BAG2: variants seen among roughly 807,000 people sequenced by gnomAD.
The protein encoded by BAG2 is BAG cochaperone 2.
A neutral mutation model predicts 16.4 loss-of-function variants in BAG2; 8 were observed. The observed-to-expected ratio is 0.49, with a 90% CI of 0.29 to 0.88. The LOEUF (loss-of-function observed/expected upper bound fraction) is 0.88. BAG2 is among the 40% of genes least tolerant of loss of function. BAG2 has a pLI of 0.09. For missense variants in BAG2, 218 were observed against 248.9 expected (o/e 0.88, Z 0.84); for synonymous variants, 82 against 89.2 (o/e 0.92, Z 0.46).
At chr6:57,178,489 G>A (rs1764347801) in intron 1 of BAG2, among the ~76,000 whole-genome samples, 1 of 152,098 alleles carries the variant, frequency 6.6e-6, no homozygotes, top group Non-Finnish European at 1.5e-5. Context: ...GAGGAAGGGG[G>A]AAGCTAAGGA....
chr6:57,182,641 T>C (rs368525375), intron 2 of BAG2, among the ~76,000 whole-genome samples: 1 of 150,428 alleles, frequency 6.6e-6, no homozygotes, highest in African/African-American at 2.4e-5. Flanking sequence ...AATGTAAAAA[T>C]GTGCTGTCAT....
intron 1 of BAG2, chr6:57,174,446 T>G: frequency 8.0e-7 from 1 of 1,251,296 alleles, no homozygotes; most frequent in Non-Finnish European, 1.1e-6. Context: ...AAGCCTCAGG[T>G]TTTGAATATT....
intron 2 of BAG2, among the ~76,000 whole-genome samples, chr6:57,182,687 G>A (rs543196913): frequency 3.9e-5 from 6 of 151,908 alleles, no homozygotes; most frequent in African/African-American, 4.8e-5. Context: ...AGTTTTACTC[G>A]TCACCCAGGC....
intron 2 of BAG2, among the ~76,000 whole-genome samples, chr6:57,182,938 A>G (rs1467546969): frequency 6.6e-6 from 1 of 152,230 alleles, no homozygotes; most frequent in Non-Finnish European, 1.5e-5. Flanking sequence ...GGCATGTGAC[A>G]TCTGCCTAAC....
At chr6:57,179,151 T>G (rs1764368682) in intron 1 of BAG2, among the ~76,000 whole-genome samples, 2 of 152,218 alleles carry the variant, frequency 1.3e-5, no homozygotes, top group Non-Finnish European at 2.9e-5. Flanking sequence ...GCCAACTCCG[T>G]CTCTTTCCTA....
Position 57,183,907 on chromosome 6 carries a change from A to G in BAG2, c.353A>G (p.Asp118Gly). The G allele has an allele frequency of 6.2e-7, 1 of 1,614,186 alleles. No individual in the cohort carries two copies. Among genetic ancestry groups the G allele is most frequent in the Non-Finnish European group, 8.5e-7 (1 of 1,180,032 alleles). Residue 118 changes from aspartate (D) to glycine (G), a missense_variant, in exon 3 of 3, where the codon GAT (aspartate) becomes GGT (glycine). Asp to Gly is a moderately conservative substitution (Grantham distance 94, BLOSUM62 -1). Transcript: ENST00000370693. ...CTAAAGCATGCCACAAGGATTATTG[A>G]TGAGGTGGTCAATAAGTTTCTGGAT... ...ESLKHATRII[D>G]EVVNKFLDDL...
chr6:57,187,856 C>T lies in BAG2; in HGVS notation c.*3666C>T, dbSNP rs1362635768. The T allele has an allele frequency of 2.0e-5, 3 of 151,854 alleles. No individual in the cohort carries two copies. The highest frequency in any genetic ancestry group is 4.4e-5 in the Non-Finnish European group (3 of 67,968). The allele number at this position is 151,854 out of a possible 1,614,324, so 9.4% of individuals were successfully genotyped here. A position where few individuals can be genotyped will look rare whatever the true frequency, so the allele number is the denominator to read the frequency against. Reference sequence around the variant, plus strand: ...TTCATCCTCTTTTTGGTAGTTTTAGCTTTATTTTGAAAAAGTAACGTGTGC... The same window carrying T: ...TTCATCCTCTTTTTGGTAGTTTTAGTTTTATTTTGAAAAAGTAACGTGTGC... On this transcript the variant is annotated 3_prime_UTR_variant, in exon 3 of 3. Coordinates refer to ENST00000370693, the MANE Select transcript of BAG2 (RefSeq NM_004282.4).
intron 1 of BAG2, among the ~76,000 whole-genome samples, chr6:57,180,193 T>C (rs1764397531): frequency 6.6e-6 from 1 of 152,184 alleles, no homozygotes; most frequent in Non-Finnish European, 1.5e-5. Flanking sequence ...CGAAGACTAC[T>C]ATGAAGAATA....
At chr6:57,174,332 C>G (rs1764217793) in intron 1 of BAG2, 1 of 1,304,176 alleles carries the variant, frequency 7.7e-7, no homozygotes, top group Non-Finnish European at 1.0e-6. Flanking sequence ...GAGGTTGTTA[C>G]TCCACTCCGC....
Position 57,172,648 on chromosome 6 carries a change from G to T in BAG2, c.-50G>T. 1 of 1,413,974 alleles carries T rather than the reference G, an allele frequency of 7.1e-7. No individual in the cohort carries two copies. The highest frequency in any genetic ancestry group is 1.4e-5 in the South Asian group (1 of 70,716). The allele number at this position is 1,413,974 out of a possible 1,614,324, so 87.6% of individuals were successfully genotyped here. A position where few individuals can be genotyped will look rare whatever the true frequency, so the allele number is the denominator to read the frequency against. ...CAGCCCAAGGAGCGCTCCACTCGCT[G>T]CCGCCGGAGGGGCCGGTGACCTCTT... On this transcript the variant is annotated 5_prime_UTR_variant, in exon 1 of 3. Transcript: ENST00000370693.
At chr6:57,180,916 A>G (rs1420302292) in intron 1 of BAG2, among the ~76,000 whole-genome samples, 1 of 152,242 alleles carries the variant, frequency 6.6e-6, no homozygotes, top group Non-Finnish European at 1.5e-5. Flanking sequence ...TCAACAAGGG[A>G]ACAGTAACTC....
chr6:57,179,642 C>T (rs1034685637), intron 1 of BAG2, among the ~76,000 whole-genome samples: 5 of 152,144 alleles, frequency 3.3e-5, no homozygotes, highest in Non-Finnish European at 7.4e-5. Flanking sequence ...TTTCATTTTG[C>T]AAAAGTTGGC....
rs977116684 is a variant in BAG2 at position 57,185,943 on chromosome 6, T to G, written c.*1753T>G. On this transcript the variant is annotated 3_prime_UTR_variant, in exon 3 of 3. Coordinates refer to ENST00000370693, the MANE Select transcript of BAG2 (RefSeq NM_004282.4). Reference sequence around the variant, plus strand: ...GGTATTCTTAGCATTATTTTTCCCATTTTTTTGCAATGGAGTTTTTAATGG... The same window carrying G: ...GGTATTCTTAGCATTATTTTTCCCAGTTTTTTGCAATGGAGTTTTTAATGG... 1 of 152,114 alleles carries G rather than the reference T, an allele frequency of 6.6e-6. No individual in the cohort carries two copies. The highest frequency in any genetic ancestry group is 1.5e-5 in the Non-Finnish European group (1 of 68,018). 9.4% of individuals were successfully genotyped at this position (152,114 alleles called of 1,614,324 possible). A position where few individuals can be genotyped will look rare whatever the true frequency, so the allele number is the denominator to read the frequency against.
Position 57,178,898 on chromosome 6 carries a change from G to C in BAG2, c.114-3134G>C, listed in dbSNP as rs188639112. 3.3e-5 allele frequency among the ~76,000 whole-genome samples: 5 copies of C among 152,232 alleles called. 1 individual carries two copies. Among genetic ancestry groups the C allele is most frequent in the Admixed American group, 2.0e-4 (3 of 15,290 alleles). On this transcript the variant is annotated intron_variant, in intron 1 of 2. Transcript: ENST00000370693. ...TGACAGGCTTATTATATTTTTTCTA[G>C]AATGTCTTTTTTATCTATTTTGTTA...
rs1437764237 is a variant in BAG2 at position 57,172,644 on chromosome 6, C to T, written c.-54C>T. 5.7e-6 allele frequency: 8 copies of T among 1,395,240 alleles called. No homozygotes were observed. Among genetic ancestry groups the T allele is most frequent in the East Asian group, 3.1e-5 (1 of 32,622 alleles). The allele number at this position is 1,395,240 out of a possible 1,614,324, so 86.4% of individuals were successfully genotyped here. ...CCTGCAGCCCAAGGAGCGCTCCACT[C>T]GCTGCCGCCGGAGGGGCCGGTGACC... On this transcript the variant is annotated 5_prime_UTR_variant, in exon 1 of 3. Transcript: ENST00000370693.
chr6:57,182,530 C>CAA (rs758049333), intron 2 of BAG2, among the ~76,000 whole-genome samples: 27 of 41,558 alleles, frequency 6.5e-4, no homozygotes, highest in Middle Eastern at 0.014. Context: ...AAGTAGAGAC[C>CAA]AAAAAAAAAA....
intron 1 of BAG2, among the ~76,000 whole-genome samples, chr6:57,176,408 C>G (rs775938133): frequency 4.6e-5 from 7 of 152,140 alleles, no homozygotes; most frequent in African/African-American, 7.2e-5. Context: ...TGAGCTTCCT[C>G]TAAGAGATAA....
rs1264094094 is a variant in BAG2, at chr6:57,188,236, A to AATT, written c.*4048_*4050dup. 1.3e-5 allele frequency: 2 copies of AATT among 152,218 alleles called. No individual in the cohort carries two copies. Among genetic ancestry groups the AATT allele is most frequent in the Admixed American group, 6.5e-5 (1 of 15,286 alleles). The allele number at this position is 152,218 out of a possible 1,614,324, so 9.4% of individuals were successfully genotyped here. On this transcript the variant is annotated 3_prime_UTR_variant, in exon 3 of 3. Coordinates refer to ENST00000370693, the MANE Select transcript of BAG2 (RefSeq NM_004282.4). Reference sequence around the variant, plus strand: ...GCTTTAAGAATTGATTAAATTGAGAAATTAACATGGCTGACTTTCAGGCCT... The same window carrying AATT: ...GCTTTAAGAATTGATTAAATTGAGAAATTATTAACATGGCTGACTTTCAGGCCT...
intron 2 of BAG2, among the ~76,000 whole-genome samples, chr6:57,183,548 A>G (rs759735676): frequency 1.3e-5 from 2 of 152,214 alleles, no homozygotes; most frequent in Non-Finnish European, 2.9e-5. Context: ...AGACATGCCA[A>G]TTTGAGAAGT....
Sources: allele counts gnomAD v4.1 joint callset (sites outside exome capture counted in the v4.1 genomes callset), GRCh38; gene constraint gnomAD v4.1.1; transcripts MANE v1.5; gene names NCBI Gene and HGNC (gene_info 2026-07-23, HGNC 2026-07-21).